Variants in DLC1 observed in about 807,000 individuals in gnomAD.
DLC1 encodes the protein DLC1 Rho GTPase activating protein, also known as rho GTPase-activating protein 7.
A neutral mutation model predicts 140.3 loss-of-function variants in DLC1; 54 were observed. The ratio of observed to expected loss-of-function variants is 0.38; its 90% CI spans 0.31 to 0.48. DLC1 has a LOEUF of 0.48. Ranked by LOEUF, DLC1 falls within the 20% of genes least tolerant of loss-of-function variation. The pLI is 0.96. For missense variants in DLC1, 2,536 were observed against 1,907.0 expected (o/e 1.33, Z -6.14); for synonymous variants, 986 against 728.1 (o/e 1.35, Z -5.70).
At chr8:13,170,696 C>CCGCAG in intron 5 of DLC1, among the ~76,000 whole-genome samples, 1 of 146,638 alleles carries the variant, frequency 6.8e-6, no homozygotes, top group Non-Finnish European at 1.5e-5. Flanking sequence ...CGCCACTGCA[C>CCGCAG]TCCAGCCTGG....
intron 5 of DLC1, among the ~76,000 whole-genome samples, chr8:13,142,612 G>C (rs931983555): frequency 2.0e-5 from 3 of 152,160 alleles, no homozygotes; most frequent in African/African-American, 4.8e-5. Flanking sequence ...ACATATTTAT[G>C]AGAAATAAAA....
At chr8:13,415,149 G>A (rs1837991459) in intron 2 of DLC1, among the ~76,000 whole-genome samples, 1 of 151,914 alleles carries the variant, frequency 6.6e-6, no homozygotes, top group Non-Finnish European at 1.5e-5. Context: ...GGCAACTAGT[G>A]CCATACAATG....
chr8:13,374,011 A>G (rs1195310614), intron 4 of DLC1, among the ~76,000 whole-genome samples: 1 of 152,240 alleles, frequency 6.6e-6, no homozygotes, highest in African/African-American at 2.4e-5. Flanking sequence ...AAAGCCTTTA[A>G]TAAAGCAGAA....
intron 5 of DLC1, among the ~76,000 whole-genome samples, chr8:13,152,557 T>C (rs1472437466): frequency 6.6e-6 from 1 of 151,914 alleles, no homozygotes; most frequent in Non-Finnish European, 1.5e-5. Flanking sequence ...CAAATATAAG[T>C]TTTTAAAAAT....
intron 5 of DLC1, among the ~76,000 whole-genome samples, chr8:13,271,301 C>A (rs1368223542): frequency 1.3e-5 from 2 of 152,040 alleles, no homozygotes; most frequent in African/African-American, 4.8e-5. Context: ...TTACATATGC[C>A]CTTACTTGCT....
At chr8:13,276,521 C>T (rs963398156) in intron 5 of DLC1, 14 of 1,297,774 alleles carry the variant, frequency 1.1e-5, no homozygotes, top group Non-Finnish European at 1.3e-5. Flanking sequence ...TTGCGGCTGG[C>T]ACTGCGGCCC....
intron 5 of DLC1, among the ~76,000 whole-genome samples, chr8:13,223,879 A>G (rs1828669698): frequency 6.6e-6 from 1 of 152,208 alleles, no homozygotes; most frequent in Non-Finnish European, 1.5e-5. Flanking sequence ...AGAGTTTTAC[A>G]TTACACACTA....
At chr8:13,281,960 C>G (rs1484043289) in intron 5 of DLC1, among the ~76,000 whole-genome samples, 3 of 152,112 alleles carry the variant, frequency 2.0e-5, no homozygotes, top group African/African-American at 7.2e-5. Context: ...GATCTTGGGA[C>G]AGCATTTTGT....
intron 7 of DLC1, among the ~76,000 whole-genome samples, chr8:13,104,876 A>T (rs530705612): frequency 2.0e-5 from 3 of 152,220 alleles, no homozygotes; most frequent in Non-Finnish European, 4.4e-5. Context: ...AAGTCTGCAC[A>T]CTTTAAAATG....
chr8:13,421,986 C>T (rs746480965), intron 2 of DLC1, among the ~76,000 whole-genome samples: 2 of 152,002 alleles, frequency 1.3e-5, no homozygotes, highest in Non-Finnish European at 1.5e-5. Context: ...TACTAATATT[C>T]GAGTCTTCTG....
At chr8:13,295,478 A>G (rs1309369348) in intron 5 of DLC1, among the ~76,000 whole-genome samples, 1 of 152,246 alleles carries the variant, frequency 6.6e-6, no homozygotes, top group Non-Finnish European at 1.5e-5. Flanking sequence ...CCTGCAGACA[A>G]GAAGATGGGC....
intron 5 of DLC1, among the ~76,000 whole-genome samples, chr8:13,148,438 C>T (rs1212831931): frequency 6.6e-6 from 1 of 152,184 alleles, no homozygotes; most frequent in Non-Finnish European, 1.5e-5. Flanking sequence ...CAGCTCCATC[C>T]ACATTCCCGC....
upstream of DLC1, among the ~76,000 whole-genome samples, chr8:13,516,754 T>C (rs1332074775): frequency 6.6e-6 from 1 of 152,230 alleles, no homozygotes; most frequent in Non-Finnish European, 1.5e-5. Context: ...GTATTTATAT[T>C]TATATTCAAA....
intron 5 of DLC1, among the ~76,000 whole-genome samples, chr8:13,215,931 G>A (rs1045819774): frequency 6.6e-5 from 10 of 152,088 alleles, no homozygotes; most frequent in South Asian, 6.2e-4. Flanking sequence ...GTGGCTGCTC[G>A]AATCCATTTA....
At chr8:13,351,541 C>T (rs1052249456) in intron 4 of DLC1, among the ~76,000 whole-genome samples, 2 of 152,126 alleles carry the variant, frequency 1.3e-5, no homozygotes, top group Non-Finnish European at 2.9e-5. Flanking sequence ...ATATTGTGAC[C>T]CATAAAAATC....
intron 5 of DLC1, among the ~76,000 whole-genome samples, chr8:13,259,139 GAAA>G (rs776038964): frequency 6.0e-5 from 4 of 66,648 alleles, no homozygotes; most frequent in Non-Finnish European, 1.3e-4. Context: ...TCCGTCTCAA[GAAA>G]AAAAAAAAAA....
chr8:13,344,922 A>G lies in DLC1; in HGVS notation c.1315-39620T>C, dbSNP rs562610627. 9.8e-5 allele frequency among the ~76,000 whole-genome samples: 15 copies of G among 152,340 alleles called. No individual in the cohort carries two copies. The South Asian group carries it at 2.9e-3, about 29-fold the overall frequency. ...ACCTAATAAGTTTAGTCAACTTCTA[A>G]TTGTTTGATTATTTAATCAAATTGG... On this transcript the variant is annotated intron_variant, in intron 4 of 17. Transcript: ENST00000276297.
chr8:13,289,963 C>T (rs1476112605), intron 5 of DLC1, among the ~76,000 whole-genome samples: 1 of 152,080 alleles, frequency 6.6e-6, no homozygotes, highest in African/African-American at 2.4e-5. Flanking sequence ...CTTAGGGTAT[C>T]TTTTAGTATT....
chr8:13,586,773 C>G (rs1805333237), intron 1 of DLC1, among the ~76,000 whole-genome samples: 1 of 152,040 alleles, frequency 6.6e-6, no homozygotes, highest in Non-Finnish European at 1.5e-5. Flanking sequence ...AAATACAGAA[C>G]AGTTCCATCA....
Sources: allele counts gnomAD v4.1 joint callset (sites outside exome capture counted in the v4.1 genomes callset), GRCh38; gene constraint gnomAD v4.1.1; transcripts MANE v1.5; gene names NCBI Gene and HGNC (gene_info 2026-07-23, HGNC 2026-07-21).